Variants in NRXN1 observed in about 807,000 individuals in gnomAD.
The protein encoded by NRXN1 is neurexin 1, also known as neurexin-1.
In NRXN1, 39 loss-of-function variants were observed where a neutral mutation model predicts 150.9. That is an observed-to-expected ratio of 0.26 (90% CI 0.20 to 0.34). The LOEUF (loss-of-function observed/expected upper bound fraction) is 0.34. NRXN1 is among the 10% of genes least tolerant of loss of function. The pLI, the probability that NRXN1 is intolerant of heterozygous loss-of-function variation, is 1.00. For synonymous variants in NRXN1, 924 were observed against 757.0 expected, an observed-to-expected ratio of 1.22 and a Z score of -3.62; for missense variants, 1,815 against 1,949.9, an observed-to-expected ratio of 0.93 and a Z score of 1.30.
chr2:50,641,421 G>A (rs1440819706), intron 5 of NRXN1, among the ~76,000 whole-genome samples: 1 of 152,058 alleles, frequency 6.6e-6, no homozygotes, highest in Admixed American at 6.6e-5. Context: ...CCCTGGCTCT[G>A]GCAATACATA....
At chr2:50,335,079 A>G (rs1281921177) in intron 17 of NRXN1, among the ~76,000 whole-genome samples, 1 of 152,196 alleles carries the variant, frequency 6.6e-6, no homozygotes, top group Non-Finnish European at 1.5e-5. Context: ...GTTGCTTCAA[A>G]CTAGCATGAA....
intron 18 of NRXN1, among the ~76,000 whole-genome samples, chr2:50,209,894 T>C (rs549723394): frequency 3.3e-5 from 5 of 152,130 alleles, no homozygotes; most frequent in East Asian, 1.9e-4. Context: ...TATATATTTA[T>C]TAATGAAGTA....
In NRXN1 at chr2:50,524,189, G is replaced by A. The variant is rs970300400; in HGVS notation, c.2374+4436C>T. On this transcript the variant is annotated intron_variant, in intron 12 of 22. Coordinates refer to ENST00000401669, the MANE Select transcript of NRXN1 (RefSeq NM_001330078.2). ...TCTATTTTTATATGGATGCAGAAGT[G>A]TCCCTGAGGACGGGTGTGGTGGCTC... is the stretch of plus-strand genomic sequence containing the variant. 3.9e-5 allele frequency among the ~76,000 whole-genome samples: 6 copies of A among 152,202 alleles called. No individual in the cohort carries two copies. In the South Asian group the frequency reaches 1.2e-3, roughly 32 times the overall value.
chr2:50,220,707 A>T (rs1435026009), intron 18 of NRXN1, among the ~76,000 whole-genome samples: 2 of 151,972 alleles, frequency 1.3e-5, no homozygotes, highest in Non-Finnish European at 2.9e-5. Context: ...TATTAGCTAG[A>T]CCGTCATCTT....
At position 50,479,992 on chromosome 2, in the gene NRXN1, T is replaced by A. The variant is rs376008983; in HGVS notation, c.3071-7521A>T. On this transcript the variant is annotated intron_variant, in intron 15 of 22. Coordinates refer to ENST00000401669, the MANE Select transcript of NRXN1 (RefSeq NM_001330078.2). ...TTTCACCGCGTTGGCCAGGCTAGTC[T>A]CAAACTCCTGACCTCAGATATCCGC... Among the ~76,000 whole-genome samples the A allele has an allele frequency of 9.9e-5, 15 of 152,236 alleles. No individual in the cohort carries two copies. In the East Asian group the frequency reaches 2.7e-3, roughly 28 times the overall value.
At chr2:50,399,403 G>A (rs765195270) in intron 17 of NRXN1, among the ~76,000 whole-genome samples, 19 of 151,930 alleles carry the variant, frequency 1.3e-4, no homozygotes, top group Non-Finnish European at 2.4e-4. Flanking sequence ...CTACTCCTGA[G>A]TTCATGAGGA....
chr2:50,612,299 T>C (rs1678291650), intron 8 of NRXN1, among the ~76,000 whole-genome samples: 1 of 152,124 alleles, frequency 6.6e-6, no homozygotes, highest in Non-Finnish European at 1.5e-5. Flanking sequence ...GGTGCATCCC[T>C]CTCTGCAATA....
At chr2:50,278,063 CTCTCTT>C (rs2070791871) in intron 17 of NRXN1, among the ~76,000 whole-genome samples, 1 of 81,480 alleles carries the variant, frequency 1.2e-5, no homozygotes, top group Non-Finnish European at 2.1e-5. Context: ...TCCTTTCTCT[CTCTCTT>C]TTTTTTTTTT....
chr2:50,122,556 T>C (rs1704010312), intron 18 of NRXN1, among the ~76,000 whole-genome samples: 1 of 152,180 alleles, frequency 6.6e-6, no homozygotes. Flanking sequence ...GTGAAGACAT[T>C]TCAGTCTCAT....
chr2:50,879,922 A>C (rs1679181375), intron 5 of NRXN1, among the ~76,000 whole-genome samples: 1 of 151,924 alleles, frequency 6.6e-6, no homozygotes, highest in Non-Finnish European at 1.5e-5. Flanking sequence ...GAGTCCTGCC[A>C]CCCAGTACTC....
chr2:50,735,433 A>AT (rs1698617630), intron 5 of NRXN1, among the ~76,000 whole-genome samples: 1 of 152,160 alleles, frequency 6.6e-6, no homozygotes, highest in South Asian at 2.1e-4. Flanking sequence ...ACAGAAAGAG[A>AT]GGCACACAAT....
At chr2:50,870,660 T>C (rs911672907) in intron 5 of NRXN1, among the ~76,000 whole-genome samples, 4 of 151,948 alleles carry the variant, frequency 2.6e-5, no homozygotes, top group Non-Finnish European at 4.4e-5. Context: ...TCTTCTTCCT[T>C]TGCCTCCAAT....
At chr2:50,558,413 T>C (rs1469347252) in intron 8 of NRXN1, among the ~76,000 whole-genome samples, 1 of 152,194 alleles carries the variant, frequency 6.6e-6, no homozygotes, top group African/African-American at 2.4e-5. Context: ...CTGTTTGTCA[T>C]TAGGCAAAAT....
At chr2:50,186,407 A>G (rs1294918045) in intron 18 of NRXN1, among the ~76,000 whole-genome samples, 1 of 152,090 alleles carries the variant, frequency 6.6e-6, no homozygotes, top group East Asian at 1.9e-4. Context: ...ATGAAATGTT[A>G]TGTTCAGAAT....
intron 18 of NRXN1, among the ~76,000 whole-genome samples, chr2:50,216,818 T>C (rs2063434655): frequency 6.6e-6 from 1 of 152,038 alleles, no homozygotes; most frequent in Non-Finnish European, 1.5e-5. Context: ...TGGGTGTGAT[T>C]CCAAACATGC....
chr2:50,159,505 T>C (rs2059234048), intron 18 of NRXN1, among the ~76,000 whole-genome samples: 1 of 152,164 alleles, frequency 6.6e-6, no homozygotes, highest in African/African-American at 2.4e-5. Context: ...TCAATACAAA[T>C]TGATTGGGTG....
intron 18 of NRXN1, among the ~76,000 whole-genome samples, chr2:50,228,363 C>G (rs867629263): frequency 1.3e-5 from 2 of 151,768 alleles, no homozygotes; most frequent in Non-Finnish European, 2.9e-5. Flanking sequence ...GACATGGTAG[C>G]AATTCGGTGA....
Position 50,933,732 on chromosome 2 carries a change from A to T in NRXN1, c.773-7777T>A, listed in dbSNP as rs1443340066. On this transcript the variant is annotated intron_variant, in intron 2 of 22. Coordinates refer to ENST00000401669, the MANE Select transcript of NRXN1 (RefSeq NM_001330078.2). Reference sequence around the variant, plus strand: ...GATCCATAAAATCAAATCAACACAAATACAAATTTCTAGGTACCCTAATGA... The same window carrying T: ...GATCCATAAAATCAAATCAACACAATTACAAATTTCTAGGTACCCTAATGA... Among the ~76,000 whole-genome samples the T allele has an allele frequency of 3.3e-5, 5 of 152,152 alleles. No individual in the cohort carries two copies. The South Asian group carries it at 8.3e-4, about 25-fold the overall frequency.
At chr2:50,046,034 G>T (rs2152605788) in intron 21 of NRXN1, among the ~76,000 whole-genome samples, 1 of 152,274 alleles carries the variant, frequency 6.6e-6, no homozygotes, top group Admixed American at 6.5e-5. Context: ...AATCATATTT[G>T]CAAGATTCAG....
Sources: allele counts gnomAD v4.1 joint callset (sites outside exome capture counted in the v4.1 genomes callset), GRCh38; gene constraint gnomAD v4.1.1; transcripts MANE v1.5; gene names NCBI Gene and HGNC (gene_info 2026-07-23, HGNC 2026-07-21).